CSTPP1: variants seen among roughly 807,000 people sequenced by gnomAD.
CSTPP1 encodes the protein UPF0705 protein C11orf49.
the CSTPP1 span, among the ~76,000 whole-genome samples, chr11:47,149,275 T>C: frequency 6.6e-6 from 1 of 152,330 alleles, no homozygotes; most frequent in Non-Finnish European, 1.5e-5. Flanking sequence ...AGACTCTCAC[T>C]GGCAGCAGCT....
the CSTPP1 span, among the ~76,000 whole-genome samples, chr11:47,031,445 G>T: frequency 1.3e-5 from 2 of 152,150 alleles, no homozygotes; most frequent in Non-Finnish European, 2.9e-5. Context: ...TAATCCCAAT[G>T]CTTTGAGATG....
chr11:47,063,901 A>G, the CSTPP1 span, among the ~76,000 whole-genome samples: 1 of 152,200 alleles, frequency 6.6e-6, no homozygotes, highest in Admixed American at 6.5e-5. Flanking sequence ...GAACTGCTGT[A>G]AAGTTTTCTA....
At chr11:47,037,531 C>T in the CSTPP1 span, among the ~76,000 whole-genome samples, 3 of 117,360 alleles carry the variant, frequency 2.6e-5, 1 homozygote, top group Admixed American at 2.8e-4. Flanking sequence ...GAGGACCCTG[C>T]GGCCTTCTGC....
chr11:47,145,349 G>A, the CSTPP1 span, among the ~76,000 whole-genome samples: 1 of 152,096 alleles, frequency 6.6e-6, no homozygotes, highest in Non-Finnish European at 1.5e-5. Context: ...CAGCACTTTG[G>A]GAGGCAAAGG....
At chr11:46,973,847 C>A in the CSTPP1 span, among the ~76,000 whole-genome samples, 1 of 151,180 alleles carries the variant, frequency 6.6e-6, no homozygotes, top group East Asian at 1.9e-4. Flanking sequence ...TAATTTATAA[C>A]CAAAAACATT....
At chr11:47,109,469 T>C in the CSTPP1 span, among the ~76,000 whole-genome samples, 2 of 152,170 alleles carry the variant, frequency 1.3e-5, no homozygotes, top group Non-Finnish European at 2.9e-5. Flanking sequence ...TCAAGAGTTG[T>C]TTTTTAAAAA....
the CSTPP1 span, among the ~76,000 whole-genome samples, chr11:47,020,929 C>A: frequency 6.6e-6 from 1 of 152,120 alleles, no homozygotes. Flanking sequence ...CTCTGTTTTG[C>A]AAGTTATTTA....
At chr11:47,098,274 CT>C in the CSTPP1 span, among the ~76,000 whole-genome samples, 6 of 142,652 alleles carry the variant, frequency 4.2e-5, no homozygotes, top group Non-Finnish European at 9.1e-5. Flanking sequence ...CCAAATCCCC[CT>C]CTGTGAGAAA....
At chr11:47,026,928 C>A in the CSTPP1 span, among the ~76,000 whole-genome samples, 3 of 152,094 alleles carry the variant, frequency 2.0e-5, no homozygotes, top group Non-Finnish European at 4.4e-5. Context: ...CATGTACACA[C>A]AATTTTGTTT....
the CSTPP1 span, among the ~76,000 whole-genome samples, chr11:47,141,726 G>C: frequency 6.6e-6 from 1 of 151,986 alleles, no homozygotes; most frequent in Non-Finnish European, 1.5e-5. Context: ...TTGAGGTCAG[G>C]AGTTCAAACC....
the CSTPP1 span, among the ~76,000 whole-genome samples, chr11:47,106,530 G>C: frequency 6.6e-6 from 1 of 151,942 alleles, no homozygotes; most frequent in South Asian, 2.1e-4. Flanking sequence ...GTAGTCCCAG[G>C]TACACGGGAA....
chr11:47,028,203 G>T, the CSTPP1 span, among the ~76,000 whole-genome samples: 5 of 152,100 alleles, frequency 3.3e-5, no homozygotes, highest in Non-Finnish European at 7.4e-5. Flanking sequence ...GATTACAGGC[G>T]TGAGCCATCA....
the CSTPP1 span, among the ~76,000 whole-genome samples, chr11:47,006,755 ATTT>A: frequency 7.7e-6 from 1 of 129,892 alleles, no homozygotes. Context: ...CACTCAGCTA[ATTT>A]TTTTTTTTTT....
chr11:47,024,428 C>A, the CSTPP1 span, among the ~76,000 whole-genome samples: 1 of 151,144 alleles, frequency 6.6e-6, no homozygotes, highest in East Asian at 1.9e-4. Flanking sequence ...AAAGGTTTGG[C>A]AGGAAGAGTG....
At chr11:46,963,558 C>T in the CSTPP1 span, among the ~76,000 whole-genome samples, 5,698 of 151,870 alleles carry the variant, frequency 0.038, 335 homozygotes, top group African/African-American at 0.13. Context: ...CCTGGATGGG[C>T]AGACCATATG....
chr11:47,105,757 T>C, the CSTPP1 span, among the ~76,000 whole-genome samples: 1 of 152,228 alleles, frequency 6.6e-6, no homozygotes, highest in Non-Finnish European at 1.5e-5. Flanking sequence ...CCCATGCTCT[T>C]ACTTCCTACC....
chr11:47,107,177 G>A, the CSTPP1 span, among the ~76,000 whole-genome samples: 1,414 of 152,232 alleles, frequency 9.3e-3, 17 homozygotes, highest in Non-Finnish European at 0.015. Flanking sequence ...GTATACTCAG[G>A]CACACCAGAA....
At chr11:46,968,334 AAT>A in the CSTPP1 span, among the ~76,000 whole-genome samples, 5 of 147,148 alleles carry the variant, frequency 3.4e-5, no homozygotes, top group African/African-American at 7.4e-5. Flanking sequence ...AAATGGCATA[AAT>A]ATATATATAT....
At chr11:47,090,867 A>G in the CSTPP1 span, among the ~76,000 whole-genome samples, 11 of 151,100 alleles carry the variant, frequency 7.3e-5, no homozygotes, top group South Asian at 2.1e-4. Flanking sequence ...GTGAAACCCC[A>G]TCTCTACTAA....
Sources: gnomAD v4.1 joint callset for allele counts (sites outside exome capture counted in the v4.1 genomes callset) on GRCh38, gnomAD v4.1.1 for gene constraint, MANE v1.5 for transcripts, NCBI Gene and HGNC (gene_info 2026-07-23, HGNC 2026-07-21) for gene names.